MYT1L: variants seen among roughly 807,000 people sequenced by gnomAD.
MYT1L encodes the protein myelin transcription factor 1-like protein.
MYT1L carries 12 observed loss-of-function variants against 126.7 expected under a neutral mutation model. The observed-to-expected ratio is 0.09, with a 90% CI of 0.06 to 0.15. The LOEUF is 0.15. MYT1L is among the 10% of genes least tolerant of loss of function. The probability of loss-of-function intolerance (pLI) is 1.00; values close to 1 mark genes in which losing one functional copy is unlikely to be tolerated. For missense variants in MYT1L, 979 were observed against 1,585.2 expected (o/e 0.62, Z 6.49); for synonymous variants, 541 against 604.2 (o/e 0.90, Z 1.53).
intron 3 of MYT1L, among the ~76,000 whole-genome samples, chr2:2,117,124 G>T (rs1269912922): frequency 1.3e-5 from 2 of 152,112 alleles, no homozygotes; most frequent in Non-Finnish European, 2.9e-5. Flanking sequence ...CTCTGCCCCT[G>T]CCTTCAGTAA....
intron 14 of MYT1L, among the ~76,000 whole-genome samples, chr2:1,901,270 C>T (rs1402312871): frequency 6.6e-6 from 1 of 151,944 alleles, no homozygotes; most frequent in African/African-American, 2.4e-5. Flanking sequence ...ACAAGAACAA[C>T]AAAAAAACAG....
chr2:2,132,217 C>T (rs1289827626), intron 3 of MYT1L, among the ~76,000 whole-genome samples: 4 of 152,120 alleles, frequency 2.6e-5, no homozygotes, highest in Admixed American at 6.6e-5. Context: ...GAGAGTTCAT[C>T]ATTTTGGGCA....
intron 4 of MYT1L, among the ~76,000 whole-genome samples, chr2:2,000,688 C>G (rs1386619912): frequency 2.0e-5 from 3 of 152,158 alleles, no homozygotes; most frequent in Admixed American, 6.5e-5. Flanking sequence ...CCACACCATT[C>G]TCTTTTGGAT....
In MYT1L at chr2:1,922,795, C is replaced by T; in HGVS notation, c.974G>A (p.Ser325Asn). 2 of 1,614,010 alleles carry T rather than the reference C, an allele frequency of 1.2e-6. No individual in the cohort carries two copies. Among genetic ancestry groups the T allele is most frequent in the Non-Finnish European group, 1.7e-6 (2 of 1,179,902 alleles). ...VEESDEEVCL[S>N]SLECLRNQCF... is the part of the protein sequence containing the mutation. ...CTGATTCCTCAAACACTCCAGACTG[C>T]TCAGACACACCTCCTCATCGCTCTC... The change falls in exon 10 of 25, where the codon AGC becomes AAC. Residue 325 changes from serine to asparagine, a missense_variant. Physicochemically the swap from Ser to Asn is conservative, Grantham distance 46. Around this residue, in one of 12 missense-constraint regions of MYT1L, gnomAD observed 243 missense variants for 363.9 expected, o/e 0.67. Transcript: ENST00000647738. This position sits in a 1 kb window ranked among gnomAD's most constrained non-coding sequence, Gnocchi z 7.4.
intron 21 of MYT1L, among the ~76,000 whole-genome samples, chr2:1,829,573 G>A (rs1300272562): frequency 3.8e-5 from 4 of 104,188 alleles, no homozygotes; most frequent in Admixed American, 9.6e-5. Context: ...ACCCTCCCAT[G>A]CACCTGTGAA....
At chr2:2,078,839 T>C (rs1192421050) in intron 3 of MYT1L, among the ~76,000 whole-genome samples, 3 of 152,224 alleles carry the variant, frequency 2.0e-5, no homozygotes, top group Admixed American at 1.3e-4. Flanking sequence ...ATCAATTGTA[T>C]TTTGCATATG....
chr2:2,106,793 A>C (rs1291563859), intron 3 of MYT1L, among the ~76,000 whole-genome samples: 1 of 152,186 alleles, frequency 6.6e-6, no homozygotes, highest in East Asian at 1.9e-4. Flanking sequence ...CCAGTATCTT[A>C]GAGGCATTTT....
intron 4 of MYT1L, among the ~76,000 whole-genome samples, chr2:2,038,166 G>A (rs1290975072): frequency 2.0e-5 from 3 of 152,156 alleles, no homozygotes; most frequent in Admixed American, 1.3e-4. Flanking sequence ...TGCCTCTCAC[G>A]GGACTATTAG....
intron 18 of MYT1L, among the ~76,000 whole-genome samples, chr2:1,874,768 T>TA (rs1393151859): frequency 9.8e-5 from 15 of 152,310 alleles, no homozygotes; most frequent in Admixed American, 9.8e-4. Context: ...CAGCCAGTCT[T>TA]ACAGCTGTCC....
intron 9 of MYT1L, among the ~76,000 whole-genome samples, chr2:1,932,011 C>T (rs530367600): frequency 6.6e-6 from 1 of 152,282 alleles, no homozygotes; most frequent in Admixed American, 6.5e-5. Context: ...CGGTTCCTGT[C>T]ACTGCCCAAA....
Position 1,791,482 on chromosome 2 carries a change from G to A in MYT1L, c.*385C>T, listed in dbSNP as rs1027000137. 2 of 335,184 alleles carry A rather than the reference G, an allele frequency of 6.0e-6. No individual in the cohort carries two copies. Among genetic ancestry groups the A allele is most frequent in the South Asian group, 2.5e-5 (1 of 40,376 alleles). 20.8% of individuals were successfully genotyped at this position (335,184 alleles called of 1,614,324 possible). ...GCTGTGGGTCTGTGTGTGCGTGTGTGTGTTTGTGTGTCCATTTCAGTTCAA... is the reference window on the plus strand; with the variant it reads ...GCTGTGGGTCTGTGTGTGCGTGTGTATGTTTGTGTGTCCATTTCAGTTCAA... On this transcript the variant is annotated 3_prime_UTR_variant, in exon 25 of 25. Coordinates refer to ENST00000647738, the MANE Select transcript of MYT1L (RefSeq NM_001303052.2). This position sits in a 1 kb window ranked among gnomAD's most constrained non-coding sequence, Gnocchi z 6.0.
chr2:1,888,171 C>T (rs1207417027), intron 16 of MYT1L, among the ~76,000 whole-genome samples: 2 of 152,220 alleles, frequency 1.3e-5, no homozygotes, highest in African/African-American at 4.8e-5. Flanking sequence ...GCTCAGCAGA[C>T]ACTTTCCTAA....
chr2:1,805,066 C>T (rs983250507), intron 22 of MYT1L, among the ~76,000 whole-genome samples: 1 of 152,200 alleles, frequency 6.6e-6, no homozygotes, highest in African/African-American at 2.4e-5. Context: ...GACTCACTAA[C>T]AGCCACGCCG....
In MYT1L at chr2:1,793,015, C is replaced by T. The variant is rs569715382; in HGVS notation, c.3277-551G>A. On this transcript the variant is annotated intron_variant, in intron 23 of 24. Coordinates refer to ENST00000647738, the MANE Select transcript of MYT1L (RefSeq NM_001303052.2). The surrounding 1 kb of genome is among the most constrained non-coding windows in gnomAD (Gnocchi z 4.6). ...CCCTGCGCGATCCTGTTCTCTCAGCCGGCCTGATGGGACTGCAGTGTGTAG... is the reference window on the plus strand; with the variant it reads ...CCCTGCGCGATCCTGTTCTCTCAGCTGGCCTGATGGGACTGCAGTGTGTAG... Among the ~76,000 whole-genome samples, 14 of 152,264 alleles carry T rather than the reference C, an allele frequency of 9.2e-5. No individual in the cohort carries two copies. Among genetic ancestry groups the T allele is most frequent in the Non-Finnish European group, 1.8e-4 (12 of 68,022 alleles).
rs140262677 is a variant in MYT1L at position 1,986,824 on chromosome 2, A to G, written c.1-7047T>C. Among the ~76,000 whole-genome samples, 1,478 of 152,254 alleles carry G rather than the reference A, an allele frequency of 9.7e-3. 30 individuals are homozygous for G. Among genetic ancestry groups the G allele is most frequent in the African/African-American group, 0.033 (1,358 of 41,554 alleles). On this transcript the variant is annotated intron_variant, in intron 5 of 24. Coordinates refer to ENST00000647738, the MANE Select transcript of MYT1L (RefSeq NM_001303052.2). ...TGGTGAAGCTTTGTTGTTCACACTA[A>G]GAGCTGACACCCGATGAGCTGGAGC...
intron 22 of MYT1L, among the ~76,000 whole-genome samples, chr2:1,804,933 C>G (rs1011638508): frequency 6.6e-6 from 1 of 152,188 alleles, no homozygotes; most frequent in African/African-American, 2.4e-5. Context: ...TTATTTCCTT[C>G]TCTCCTAAAC....
intron 3 of MYT1L, among the ~76,000 whole-genome samples, chr2:2,150,774 AAAG>A (rs2085631482): frequency 6.6e-6 from 1 of 152,008 alleles, no homozygotes; most frequent in Non-Finnish European, 1.5e-5. Flanking sequence ...GCATATTCTT[AAAG>A]AAGAAAGTAG....
At chr2:1,794,676 G>A (rs901063565) in intron 23 of MYT1L, among the ~76,000 whole-genome samples, 3 of 152,188 alleles carry the variant, frequency 2.0e-5, no homozygotes, top group African/African-American at 7.2e-5. Flanking sequence ...TGCAGAGGCA[G>A]AGATATCTTC....
chr2:2,182,673 G>C (rs1020058335), intron 2 of MYT1L, among the ~76,000 whole-genome samples: 3 of 152,164 alleles, frequency 2.0e-5, no homozygotes, highest in Non-Finnish European at 4.4e-5. Flanking sequence ...AACCAGAAAG[G>C]CATGCTCTCT....
Sources: gnomAD v4.1 joint callset for allele counts (sites outside exome capture counted in the v4.1 genomes callset) on GRCh38, gnomAD v4.1.1 for gene constraint, gnomAD v4.1.1 regional missense constraint, Gnocchi (gnomAD v3.1) non-coding constraint, MANE v1.5 for transcripts, NCBI Gene and HGNC (gene_info 2026-07-23, HGNC 2026-07-21) for gene names.